Variants in RANBP2 observed in about 807,000 individuals in gnomAD.
RANBP2 encodes E3 SUMO-protein ligase RanBP2.
A neutral mutation model predicts 303.6 loss-of-function variants in RANBP2; 57 were observed. That is an observed-to-expected ratio of 0.19 (90% CI 0.15 to 0.23). The LOEUF is 0.23. Ranked by LOEUF, RANBP2 falls within the 10% of genes least tolerant of loss-of-function variation. The probability of loss-of-function intolerance (pLI) is 1.00; values close to 1 mark genes in which losing one functional copy is unlikely to be tolerated. For missense variants in RANBP2, 3,138 were observed against 3,780.8 expected, an observed-to-expected ratio of 0.83 and a Z score of 4.46; for synonymous variants, 1,167 against 1,301.5, an observed-to-expected ratio of 0.90 and a Z score of 2.23.
the RANBP2 span, chr2:109,542,859 AC>A: frequency 1.3e-5 from 2 of 152,482 alleles, no homozygotes; most frequent in Admixed American, 1.3e-4. Context: ...AGAATCTGAC[AC>A]AGACTAATAA....
chr2:109,212,192 A>T, the RANBP2 span, among the ~76,000 whole-genome samples: 6 of 152,150 alleles, frequency 3.9e-5, no homozygotes, highest in Non-Finnish European at 5.9e-5. Flanking sequence ...GGTACCAGCC[A>T]CTGGTGTCTG....
the RANBP2 span, among the ~76,000 whole-genome samples, chr2:109,440,375 A>G: frequency 0.016 from 2,444 of 152,348 alleles, 57 homozygotes; most frequent in African/African-American, 0.054. Flanking sequence ...AAAGACCCGC[A>G]GTGAAGCCGA....
the RANBP2 span, chr2:108,839,297 C>T: frequency 6.2e-7 from 1 of 1,609,028 alleles, no homozygotes; most frequent in Non-Finnish European, 8.5e-7. Flanking sequence ...GATGCTGGAG[C>T]ACAGGTAATT....
the RANBP2 span, among the ~76,000 whole-genome samples, chr2:108,965,852 C>G: frequency 1.3e-5 from 2 of 152,062 alleles, no homozygotes; most frequent in African/African-American, 2.4e-5. Flanking sequence ...CATGTACTCT[C>G]CCTCCACCTT....
At chr2:109,382,404 G>A in the RANBP2 span, among the ~76,000 whole-genome samples, 2 of 152,064 alleles carry the variant, frequency 1.3e-5, no homozygotes, top group Admixed American at 6.6e-5. Flanking sequence ...GCCCACCTGC[G>A]CCCAGCCCAC....
the RANBP2 span, among the ~76,000 whole-genome samples, chr2:109,512,541 C>A: frequency 7.2e-5 from 11 of 152,166 alleles, no homozygotes; most frequent in African/African-American, 2.7e-4. Context: ...CCCTGGTCTA[C>A]TGCATCTGCC....
At chr2:109,248,921 TGTCCTGTCC>T in the RANBP2 span, among the ~76,000 whole-genome samples, 1 of 151,608 alleles carries the variant, frequency 6.6e-6, no homozygotes, top group Non-Finnish European at 1.5e-5. Flanking sequence ...TGTCCTGTCC[TGTCCTGTCC>T]TGTCTTGCTC....
chr2:109,143,828 A>ACG, the RANBP2 span, among the ~76,000 whole-genome samples: 1 of 151,942 alleles, frequency 6.6e-6, no homozygotes, highest in Non-Finnish European at 1.5e-5. Context: ...ACACACACAC[A>ACG]CACACGTATA....
chr2:109,171,296 C>T, the RANBP2 span, among the ~76,000 whole-genome samples: 1 of 152,084 alleles, frequency 6.6e-6, no homozygotes, highest in African/African-American at 2.4e-5. Flanking sequence ...CCTTTTATTT[C>T]CTTGTCATAT....
chr2:109,296,312 C>A, the RANBP2 span, among the ~76,000 whole-genome samples: 1 of 152,116 alleles, frequency 6.6e-6, no homozygotes, highest in African/African-American at 2.4e-5. Context: ...ACTGCAACCC[C>A]TGCCTCCCAG....
At chr2:109,423,259 C>A in the RANBP2 span, among the ~76,000 whole-genome samples, 3 of 152,132 alleles carry the variant, frequency 2.0e-5, no homozygotes, top group African/African-American at 4.8e-5. Flanking sequence ...TTTTCATCCT[C>A]CCCTGCTGAG....
the RANBP2 span, among the ~76,000 whole-genome samples, chr2:109,578,657 C>T: frequency 6.6e-6 from 1 of 152,084 alleles, no homozygotes; most frequent in Non-Finnish European, 1.5e-5. Flanking sequence ...ATCCCAGCTA[C>T]TCGGGAGGCT....
Position 108,763,933 on chromosome 2 carries a change from T to C in RANBP2, c.3394T>C (p.Phe1132Leu). The part of the protein sequence containing the change: ...NSGFRRSDDM[F>L]TFHGPGKSVF... ...TGGTTTTCGGCGAAGTGATGATATG[T>C]TTACTTTCCATGGTCCAGGGAAATC... Residue 1132 changes from phenylalanine to leucine, a missense_variant, in exon 20 of 29, where the codon TTT becomes CTT. This residue lies in a region of RANBP2 where 403 missense variants were observed against 376.7 expected (regional missense o/e 1.07). Transcript: ENST00000283195. The C allele has an allele frequency of 6.2e-7, 1 of 1,613,886 alleles. No individual in the cohort carries two copies. Among genetic ancestry groups the C allele is most frequent in the Non-Finnish European group, 8.5e-7 (1 of 1,179,986 alleles).
the RANBP2 span, among the ~76,000 whole-genome samples, chr2:108,971,411 G>A: frequency 7.2e-5 from 11 of 151,948 alleles, no homozygotes; most frequent in African/African-American, 1.9e-4. Flanking sequence ...GGTGATTTGC[G>A]TGCAAATCAC....
the RANBP2 span, among the ~76,000 whole-genome samples, chr2:108,813,248 C>CAAAAA: frequency 3.7e-3 from 235 of 63,252 alleles, 3 homozygotes; most frequent in East Asian, 6.2e-3. Flanking sequence ...GACTCCGTCT[C>CAAAAA]AAAAAAAAAA....
chr2:108,999,760 C>G, the RANBP2 span, among the ~76,000 whole-genome samples: 1 of 152,084 alleles, frequency 6.6e-6, no homozygotes, highest in Non-Finnish European at 1.5e-5. Flanking sequence ...TAAAAAATTA[C>G]GAAATTTCCC....
the RANBP2 span, among the ~76,000 whole-genome samples, chr2:109,081,591 G>A: frequency 6.6e-6 from 1 of 152,172 alleles, no homozygotes; most frequent in African/African-American, 2.4e-5. Context: ...CCTGTCGCTT[G>A]TGGTCCTGGG....
chr2:108,987,352 G>A, the RANBP2 span, among the ~76,000 whole-genome samples: 8 of 152,184 alleles, frequency 5.3e-5, no homozygotes, highest in South Asian at 6.2e-4. Flanking sequence ...TAGGTTTTGC[G>A]CTCCGTGAGA....
the RANBP2 span, among the ~76,000 whole-genome samples, chr2:109,402,676 T>G: frequency 2.6e-5 from 4 of 152,202 alleles, no homozygotes; most frequent in Non-Finnish European, 5.9e-5. Flanking sequence ...ACAGGATGAA[T>G]TCTTGGCACC....
Sources: allele counts gnomAD v4.1 joint callset (sites outside exome capture counted in the v4.1 genomes callset), GRCh38; gene constraint gnomAD v4.1.1; regional missense constraint gnomAD v4.1.1; transcripts MANE v1.5; gene names NCBI Gene and HGNC (gene_info 2026-07-23, HGNC 2026-07-21).